The following CLDN14 variants were observed in gnomAD, a reference collection of about 807,000 sequenced individuals.
CLDN14 encodes the protein claudin-14.
In CLDN14, 2 loss-of-function variants were observed where a neutral mutation model predicts 2.1. That is an observed-to-expected ratio of 0.96 (90% CI 0.39 to 3.01). The LOEUF (loss-of-function observed/expected upper bound fraction) is 3.01, where lower values mean the gene tolerates loss of function less well. Among genes scored for constraint, CLDN14 ranks in the 30% most tolerant of loss-of-function variants. The pLI, the probability that CLDN14 is intolerant of heterozygous loss-of-function variation, is 0.09. For missense variants in CLDN14, 298 were observed against 328.0 expected, an observed-to-expected ratio of 0.91 and a Z score of 0.71; for synonymous variants, 136 against 154.4, an observed-to-expected ratio of 0.88 and a Z score of 0.88.
rs1555850517 is a variant in CLDN14 at position 36,515,789 on chromosome 21, CTTTT to C, written c.-219-5293_-219-5290del. Among the ~76,000 whole-genome samples, 154 of 115,314 alleles carry C rather than the reference CTTTT, an allele frequency of 1.3e-3. 5 individuals carry two copies. In the Middle Eastern group the frequency reaches 0.015, roughly 11 times the overall value. The allele number at this position is 115,314 out of a possible 152,430, so 75.7% of individuals were successfully genotyped here. On this transcript the variant is annotated intron_variant, in intron 1 of 2. Coordinates refer to the CLDN14 transcript ENST00000342108. ...AAGCTGTGTTTCCCTTTTATCTTCTCTTTTTTTTTTTTTTTGAGACAGAGTCTCA... is the reference window on the plus strand; with the variant it reads ...AAGCTGTGTTTCCCTTTTATCTTCTCTTTTTTTTTTTGAGACAGAGTCTCA...
At chr21:36,480,173 A>C (rs2086829982), upstream of CLDN14, 3 of 152,274 alleles carry the variant, frequency 2.0e-5, no homozygotes, top group Non-Finnish European at 4.4e-5. Context: ...CCCTAGATGC[A>C]TGCTGGTCGA....
At position 36,460,679 on chromosome 21, in the gene CLDN14, C is replaced by T. The variant is rs532695308; in HGVS notation, c.*297G>A. On this transcript the variant is annotated 3_prime_UTR_variant, in exon 2 of 2. Coordinates refer to ENST00000399135, the MANE Select transcript of CLDN14 (RefSeq NM_001146079.2). The surrounding 1 kb of genome is among the most constrained non-coding windows in gnomAD (Gnocchi z 4.0). ...CTGGATCACAAACCAACCCCACTGA[C>T]CAAACTCCCAAGTCACTTTATATTA... 1.5e-5 allele frequency: 5 copies of T among 342,112 alleles called. No homozygotes were observed. Among genetic ancestry groups the T allele is most frequent in the Non-Finnish European group, 2.7e-5 (5 of 183,282 alleles). The allele number at this position is 342,112 out of a possible 1,614,324, so 21.2% of individuals were successfully genotyped here. A position where few individuals can be genotyped will look rare whatever the true frequency, so the allele number is the denominator to read the frequency against.
chr21:36,486,599 G>T, intron 2 of CLDN14: 1 of 1,547,958 alleles, frequency 6.5e-7, no homozygotes, highest in Non-Finnish European at 8.9e-7. Flanking sequence ...CACCAGATGA[G>T]AACCGCTTCC....
In CLDN14 at chr21:36,551,587, G is replaced by A. The variant is rs554791134; in HGVS notation, c.-220+24824C>T. ...GATGGGTCTAACAGCTGGGCATGCT[G>A]GTCTTGTGATCTGGATCTGAGATGC... On this transcript the variant is annotated intron_variant, in intron 1 of 2. Transcript: ENST00000342108. This position sits in a 1 kb window ranked among gnomAD's most constrained non-coding sequence, Gnocchi z 4.8. Among the ~76,000 whole-genome samples the A allele has an allele frequency of 7.2e-5, 11 of 152,286 alleles. No homozygotes were observed. In the South Asian group the frequency reaches 1.9e-3, roughly 26 times the overall value.
intron 1 of CLDN14, chr21:36,532,542 G>A (rs1407435248): frequency 6.6e-6 from 1 of 151,872 alleles, no homozygotes; most frequent in Non-Finnish European, 1.5e-5. Context: ...CACATGTATA[G>A]ATACGTAACA....
At chr21:36,543,714 C>G (rs1280386440) in intron 1 of CLDN14, among the ~76,000 whole-genome samples, 2 of 151,844 alleles carry the variant, frequency 1.3e-5, no homozygotes, top group African/African-American at 4.8e-5. Flanking sequence ...GGCGGAGCTG[C>G]GACTTGAACC....
At chr21:36,511,987 T>C (rs905382409) in intron 1 of CLDN14, among the ~76,000 whole-genome samples, 1 of 152,252 alleles carries the variant, frequency 6.6e-6, no homozygotes, top group Non-Finnish European at 1.5e-5. Flanking sequence ...TGTGGGTAAC[T>C]GTTCCAGCTC....
chr21:36,568,980 T>G (rs1263356042), intron 1 of CLDN14, among the ~76,000 whole-genome samples: 6 of 152,398 alleles, frequency 3.9e-5, no homozygotes. Flanking sequence ...CTCTGCTGTC[T>G]TATAGCCCTA....
upstream of CLDN14, chr21:36,480,276 C>T (rs1398736794): frequency 6.6e-6 from 1 of 152,280 alleles, no homozygotes; most frequent in African/African-American, 2.4e-5. Context: ...GAATGTGGAG[C>T]TGGACGGGTC....
chr21:36,490,059 G>A (rs771195893), intron 2 of CLDN14, among the ~76,000 whole-genome samples: 30 of 152,186 alleles, frequency 2.0e-4, no homozygotes, highest in Non-Finnish European at 3.8e-4. Context: ...ACTTTGCTGC[G>A]GCCTCGCTGG....
intron 1 of CLDN14, among the ~76,000 whole-genome samples, chr21:36,556,033 G>A (rs2087597289): frequency 6.6e-6 from 1 of 152,116 alleles, no homozygotes; most frequent in Admixed American, 6.6e-5. Flanking sequence ...TCAGCTCCCA[G>A]TCACAGTGTT....
At chr21:36,570,925 T>A (rs2087705421) in intron 1 of CLDN14, among the ~76,000 whole-genome samples, 1 of 152,232 alleles carries the variant, frequency 6.6e-6, no homozygotes, top group South Asian at 2.1e-4. Flanking sequence ...CACTGCAACC[T>A]CTGCCTCCCC....
Position 36,537,660 on chromosome 21 carries a change from T to TC in CLDN14, c.-219-27161_-219-27160insG, listed in dbSNP as rs112751135. ...TCTTTGTTTTTCTTTTCTTTTCTTT[T>TC]TTTTTTTGAGACGGAGTCTCGCTCT... On this transcript the variant is annotated intron_variant, in intron 1 of 2. Transcript: ENST00000342108. Among the ~76,000 whole-genome samples, 5 of 150,424 alleles carry TC rather than the reference T, an allele frequency of 3.3e-5. 1 individual carries two copies. Among genetic ancestry groups the TC allele is most frequent in the African/African-American group, 1.2e-4 (5 of 41,386 alleles).
At chr21:36,481,710 C>G (rs996765792), upstream of CLDN14, among the ~76,000 whole-genome samples, 3 of 152,184 alleles carry the variant, frequency 2.0e-5, no homozygotes, top group African/African-American at 7.2e-5. Flanking sequence ...TGGGCTGAAG[C>G]CTGAAAATTC....
rs944474399 is a variant in CLDN14 at position 36,480,003 on chromosome 21, G to A, written c.-590C>T. On this transcript the variant is annotated 5_prime_UTR_variant, in exon 1 of 2. Coordinates refer to ENST00000399135, the MANE Select transcript of CLDN14 (RefSeq NM_001146079.2). ...GTCCTGGAACTGCCTGATTGTTGTA[G>A]ATTACTAAAAATCCACAGCTCATTC... The A allele has an allele frequency of 3.3e-5, 5 of 152,280 alleles. No homozygotes were observed. The highest frequency in any genetic ancestry group is 5.9e-5 in the Non-Finnish European group (4 of 68,126). 9.4% of individuals were successfully genotyped at this position (152,280 alleles called of 1,614,324 possible).
intron 2 of CLDN14, among the ~76,000 whole-genome samples, chr21:36,492,763 C>T (rs1251196993): frequency 3.9e-5 from 6 of 152,170 alleles, no homozygotes; most frequent in African/African-American, 7.2e-5. Flanking sequence ...GGGGATGATG[C>T]GACTACAAGC....
upstream of CLDN14, chr21:36,480,360 G>C (rs545269704): frequency 6.6e-6 from 1 of 152,300 alleles, no homozygotes; most frequent in African/African-American, 2.4e-5. Context: ...TGTGAAACCA[G>C]TGCTGACGGA....
chr21:36,514,917 T>G (rs2835374), intron 1 of CLDN14, among the ~76,000 whole-genome samples: 124,994 of 151,942 alleles, frequency 0.82, 52,330 homozygotes, highest in Middle Eastern at 0.93. Flanking sequence ...TTCCCACTGT[T>G]ATCTACTGAA....
intron 2 of CLDN14, among the ~76,000 whole-genome samples, chr21:36,500,147 G>A (rs767051894): frequency 7.9e-5 from 12 of 152,114 alleles, no homozygotes; most frequent in Admixed American, 3.9e-4. Context: ...GTTAGCACAC[G>A]GCCCCATATC....
Sources: gnomAD v4.1 joint callset for allele counts (sites outside exome capture counted in the v4.1 genomes callset) on GRCh38, gnomAD v4.1.1 for gene constraint, Gnocchi (gnomAD v3.1) non-coding constraint, MANE v1.5 for transcripts, NCBI Gene and HGNC (gene_info 2026-07-23, HGNC 2026-07-21) for gene names.